SF3A3: variants seen among roughly 807,000 people sequenced by gnomAD.
The protein encoded by SF3A3 is SAP 61.
A neutral mutation model predicts 85.8 loss-of-function variants in SF3A3; 9 were observed. That is an observed-to-expected ratio of 0.10 (90% confidence interval 0.06 to 0.18). The LOEUF (loss-of-function observed/expected upper bound fraction) is 0.18, where lower values mean the gene tolerates loss of function less well. Ranked by LOEUF, SF3A3 falls within the 10% of genes least tolerant of loss-of-function variation. The pLI is 1.00. For missense variants in SF3A3, 306 were observed against 593.3 expected, an observed-to-expected ratio of 0.52 and a Z score of 5.03; for synonymous variants, 195 against 204.4, an observed-to-expected ratio of 0.95 and a Z score of 0.39.
intron 14 of SF3A3, 90 bp from the exon 15 acceptor site, chr1:37,968,224 G>A: frequency 1.3e-6 from 1 of 791,482 alleles, no homozygotes; most frequent in Middle Eastern, 2.3e-4. Flanking sequence ...ATCCTAACAT[G>A]GCCCTTTGCA....
intron 15 of SF3A3, among the ~76,000 whole-genome samples, chr1:37,963,866 T>TA (rs1646279551): frequency 1.1e-5 from 1 of 92,090 alleles, no homozygotes; most frequent in African/African-American, 4.4e-5. Flanking sequence ...CTGCCAATGA[T>TA]ATTCTTAAAA....
Position 37,964,577 on chromosome 1 carries a change from C to T in SF3A3, c.1372+3467G>A, listed in dbSNP as rs1468465264. ...GAGCTGAGATCACGCCACTGCACTC[C>T]AGCCTGGTTGACAGAGCAAGACTCT... On this transcript the variant is annotated intron_variant, in intron 15 of 16. Transcript: ENST00000373019. Among the ~76,000 whole-genome samples, 4 of 152,176 alleles carry T rather than the reference C, an allele frequency of 2.6e-5. No homozygotes were observed. In the East Asian group the frequency reaches 7.8e-4, roughly 30 times the overall value.
At chr1:37,980,799 ATAAAGTACTTATAATTCTAG>A in intron 7 of SF3A3, 75 bp from the exon 8 acceptor site, 1 of 1,112,670 alleles carries the variant, frequency 9.0e-7, no homozygotes, top group Non-Finnish European at 1.3e-6. Flanking sequence ...CCTGCAGAAT[ATAAAGTACTTATAATTCTAG>A]TAATGCTATC....
chr1:37,984,368 C>G (rs1362123280), intron 5 of SF3A3, 108 bp from the exon 6 acceptor site: 26 of 675,074 alleles, frequency 3.9e-5, no homozygotes, highest in Non-Finnish European at 6.1e-5. Flanking sequence ...GCACTTCACC[C>G]AAATGTCTTC....
At chr1:37,972,459 C>T (rs1646350717) in intron 12 of SF3A3, among the ~76,000 whole-genome samples, 1 of 152,134 alleles carries the variant, frequency 6.6e-6, no homozygotes, top group Admixed American at 6.5e-5. Flanking sequence ...TCAATGCCAT[C>T]CCCATCAAGC....
chr1:37,958,892 C>T (rs947046950), intron 16 of SF3A3, among the ~76,000 whole-genome samples: 4 of 152,070 alleles, frequency 2.6e-5, no homozygotes, highest in Non-Finnish European at 5.9e-5. Flanking sequence ...CTGAAACCTG[C>T]TGCTTGGGAT....
At chr1:37,986,810 T>TGAAA (rs1261804447) in intron 4 of SF3A3, among the ~76,000 whole-genome samples, 1 of 2,378 alleles carries the variant, frequency 4.2e-4, no homozygotes, top group Non-Finnish European at 7.9e-4. Flanking sequence ...AGACTCCATC[T>TGAAA]CAAAAAAAAA....
Position 37,987,656 on chromosome 1 carries a change from C to T in SF3A3, c.220G>A (p.Ala74Thr). ...KDGLRKEELN[A>T]ISGPNEFAEF... ...GCAAACTCATTGGGTCCTGAAATGG[C>T]ATTGAGCTCCTCCTTTCGTAATCTG... The change falls in exon 4 of 17, where the codon GCC becomes ACC. Residue 74 changes from alanine (A) to threonine (T), a missense_variant. Coordinates refer to ENST00000373019, the MANE Select transcript of SF3A3 (RefSeq NM_006802.4). The T allele has an allele frequency of 6.2e-7, 1 of 1,614,086 alleles. No individual in the cohort carries two copies. Among genetic ancestry groups the T allele is most frequent in the Non-Finnish European group, 8.5e-7 (1 of 1,179,966 alleles).
intron 12 of SF3A3, among the ~76,000 whole-genome samples, chr1:37,972,986 G>A (rs184760507): frequency 1.3e-5 from 2 of 152,246 alleles, no homozygotes; most frequent in Non-Finnish European, 2.9e-5. Flanking sequence ...TTCGAGATCA[G>A]CCTGGCTAAC....
Position 37,957,950 on chromosome 1 carries a change from C to G in SF3A3, c.*236G>C, listed in dbSNP as rs530628852. Reference sequence around the variant, plus strand: ...TGAAGCACTGAGTTGGTCCATAACCCTGGGCTTTAGAACAAGGTCTGGTTT... The same window carrying G: ...TGAAGCACTGAGTTGGTCCATAACCGTGGGCTTTAGAACAAGGTCTGGTTT... On this transcript the variant is annotated 3_prime_UTR_variant, in exon 17 of 17. Coordinates refer to ENST00000373019, the MANE Select transcript of SF3A3 (RefSeq NM_006802.4). 189 of 512,762 alleles carry G rather than the reference C, an allele frequency of 3.7e-4. No individual in the cohort carries two copies. The highest frequency in any genetic ancestry group is 6.9e-4 in the South Asian group (27 of 39,182). The allele number at this position is 512,762 out of a possible 1,614,324, so 31.8% of individuals were successfully genotyped here.
intron 11 of SF3A3, among the ~76,000 whole-genome samples, chr1:37,977,746 G>C (rs1265633367): frequency 6.6e-6 from 1 of 152,212 alleles, no homozygotes; most frequent in East Asian, 1.9e-4. Context: ...GAGTGAGGCA[G>C]GAAAATCGCT....
At chr1:37,967,047 C>A in intron 15 of SF3A3, among the ~76,000 whole-genome samples, 1 of 122,290 alleles carries the variant, frequency 8.2e-6, no homozygotes, top group Admixed American at 8.7e-5. Flanking sequence ...GTCAGGAGTT[C>A]GTCACCTCAA....
intron 4 of SF3A3, 31 bp downstream of exon 4, chr1:37,987,542 G>T: frequency 2.0e-6 from 3 of 1,465,248 alleles, no homozygotes; most frequent in East Asian, 4.5e-5. Flanking sequence ...TTAAGGATAG[G>T]TCTGGAGAAA....
chr1:37,960,006 C>A, intron 16 of SF3A3, 114 bp downstream of exon 16: 3 of 638,262 alleles, frequency 4.7e-6, no homozygotes, highest in African/African-American at 1.9e-5. Flanking sequence ...GATATTGTCA[C>A]ATTCTACTCG....
intron 11 of SF3A3, among the ~76,000 whole-genome samples, chr1:37,978,030 A>G (rs1646391066): frequency 6.6e-6 from 1 of 150,948 alleles, no homozygotes. Context: ...AAAGAAAAAA[A>G]CAAACAAACA....
At chr1:37,986,310 C>T (rs1174555470) in intron 4 of SF3A3, among the ~76,000 whole-genome samples, 1 of 152,108 alleles carries the variant, frequency 6.6e-6, no homozygotes, top group Non-Finnish European at 1.5e-5. Context: ...CCATCTTTAC[C>T]TTGTGACCAG....
intron 2 of SF3A3, among the ~76,000 whole-genome samples, chr1:37,988,505 G>A (rs1195428391): frequency 6.6e-6 from 1 of 152,160 alleles, no homozygotes; most frequent in Non-Finnish European, 1.5e-5. Context: ...GTTCGGGCCA[G>A]GTTTTACTGT....
Position 37,969,381 on chromosome 1 carries a change from C to T in SF3A3, c.1254G>A (p.Gly418=). The T allele has an allele frequency of 2.5e-6, 4 of 1,612,048 alleles. No individual in the cohort carries two copies. Among genetic ancestry groups the T allele is most frequent in the Non-Finnish European group, 3.4e-6 (4 of 1,179,776 alleles). ...CEICGNYTYR[G]PKAFQRHFAE... Reference sequence around the variant, plus strand: ...CAAAGTGTCGCTGGAAGGCTTTGGGCCCTCGGTAGGTGTAGTTTCCACAAA... The same window carrying T: ...CAAAGTGTCGCTGGAAGGCTTTGGGTCCTCGGTAGGTGTAGTTTCCACAAA... Residue 418 remains glycine, a synonymous_variant, in exon 14 of 17, where the codon GGG becomes GGA. Transcript: ENST00000373019.
intron 11 of SF3A3, among the ~76,000 whole-genome samples, chr1:37,977,359 T>C (rs1646385665): frequency 6.6e-6 from 1 of 152,172 alleles, no homozygotes. Context: ...AAACTCAGGA[T>C]AACAACTAAT....
Sources: allele counts gnomAD v4.1 joint callset (sites outside exome capture counted in the v4.1 genomes callset), GRCh38; gene constraint gnomAD v4.1.1; transcripts MANE v1.5; gene names NCBI Gene and HGNC (gene_info 2026-07-23, HGNC 2026-07-21).